The following SND1 variants were observed in gnomAD, a reference collection of about 807,000 sequenced individuals.
SND1 encodes the protein staphylococcal nuclease and tudor domain containing 1.
A neutral mutation model predicts 121.7 loss-of-function variants in SND1; 38 were observed. The ratio of observed to expected loss-of-function variants is 0.31; its 90% CI spans 0.24 to 0.41. The LOEUF (loss-of-function observed/expected upper bound fraction) is 0.41, where lower values mean the gene tolerates loss of function less well. SND1 is among the 10% of genes least tolerant of loss of function. The probability of loss-of-function intolerance (pLI) is 1.00; values close to 1 mark genes in which losing one functional copy is unlikely to be tolerated. For synonymous variants in SND1, 401 were observed against 447.4 expected, an observed-to-expected ratio of 0.90 and a Z score of 1.31; for missense variants, 868 against 1,184.6, an observed-to-expected ratio of 0.73 and a Z score of 3.92.
At chr7:127,726,349 C>G (rs1425234421) in intron 10 of SND1, among the ~76,000 whole-genome samples, 1 of 152,208 alleles carries the variant, frequency 6.6e-6, no homozygotes, top group African/African-American at 2.4e-5. Flanking sequence ...CACCCTGCTT[C>G]TGGATTAATC....
chr7:127,681,057 A>G (rs915160849), intron 1 of SND1, among the ~76,000 whole-genome samples: 2 of 152,112 alleles, frequency 1.3e-5, no homozygotes, highest in African/African-American at 4.8e-5. Context: ...GGGTCATATG[A>G]TAACTGTTTA....
chr7:127,988,737 A>G (rs1204486699), intron 15 of SND1, among the ~76,000 whole-genome samples: 1 of 151,976 alleles, frequency 6.6e-6, no homozygotes, highest in East Asian at 1.9e-4. Context: ...TGAAAATTCA[A>G]CCCCTTAGTT....
chr7:127,983,935 CCT>C lies in SND1; in HGVS notation c.1670-7011_1670-7010del, dbSNP rs529989961. ...TTTATTTCCCCTAATAATTACACCC[CCT>C]GTTTTCAGGCTAGGCATTCTCCCTC... On this transcript the variant is annotated intron_variant, in intron 15 of 23. Coordinates refer to ENST00000354725, the MANE Select transcript of SND1 (RefSeq NM_014390.4). 1.3e-3 allele frequency among the ~76,000 whole-genome samples: 193 copies of C among 152,302 alleles called. 5 individuals are homozygous for C. In the South Asian group the frequency reaches 0.037, roughly 29 times the overall value.
chr7:127,740,511 G>A (rs920220479), intron 10 of SND1, among the ~76,000 whole-genome samples: 1 of 152,182 alleles, frequency 6.6e-6, no homozygotes, highest in Non-Finnish European at 1.5e-5. Flanking sequence ...CCTGCTTTGG[G>A]TCTGACTCTG....
chr7:128,051,425 G>A (rs1458431354), intron 16 of SND1, among the ~76,000 whole-genome samples: 1 of 152,182 alleles, frequency 6.6e-6, no homozygotes. Context: ...ACAAGATGAA[G>A]GTGACCTAGC....
intron 10 of SND1, among the ~76,000 whole-genome samples, chr7:127,795,455 A>G (rs1457533262): frequency 2.6e-5 from 4 of 152,192 alleles, no homozygotes; most frequent in African/African-American, 4.8e-5. Context: ...GTAGTTTACT[A>G]TCATATTTAT....
chr7:127,806,315 G>T (rs185583276), intron 10 of SND1, among the ~76,000 whole-genome samples: 2 of 151,622 alleles, frequency 1.3e-5, no homozygotes, highest in African/African-American at 4.9e-5. Flanking sequence ...ATCATCTCTC[G>T]GGCTCCTGTC....
At chr7:128,072,385 G>T (rs1259288549) in intron 16 of SND1, among the ~76,000 whole-genome samples, 4 of 152,198 alleles carry the variant, frequency 2.6e-5, no homozygotes, top group African/African-American at 4.8e-5. Context: ...AATTGTGGAA[G>T]ACGAGAGGTC....
intron 14 of SND1, among the ~76,000 whole-genome samples, chr7:127,916,174 C>A (rs763762637): frequency 5.3e-5 from 8 of 152,062 alleles, no homozygotes; most frequent in Non-Finnish European, 1.0e-4. Context: ...ATTTGCAGTT[C>A]ACCTGGTGAT....
At position 128,025,163 on chromosome 7, in the gene SND1, G is replaced by A. The variant is rs1406476310; in HGVS notation, c.1779+34107G>A. Among the ~76,000 whole-genome samples the A allele has an allele frequency of 2.6e-5, 4 of 152,244 alleles. No individual in the cohort carries two copies. In the South Asian group the frequency reaches 6.2e-4, roughly 24 times the overall value. ...CCCTGTAGTCAGGCCTTAGAGGGCA[G>A]TATAGCCAGTTCTAAAGAGAGTGAA... On this transcript the variant is annotated intron_variant, in intron 16 of 23. Coordinates refer to ENST00000354725, the MANE Select transcript of SND1 (RefSeq NM_014390.4).
At chr7:127,718,629 G>A in intron 9 of SND1, 1 of 985,304 alleles carries the variant, frequency 1.0e-6, no homozygotes, top group Non-Finnish European at 1.2e-6. Flanking sequence ...TCTGCTGCTG[G>A]GGCCTAAAAT....
chr7:128,090,957 C>G (rs1793769416), intron 22 of SND1, among the ~76,000 whole-genome samples: 2 of 152,178 alleles, frequency 1.3e-5, no homozygotes, highest in Non-Finnish European at 2.9e-5. Context: ...AAAATTCCTT[C>G]TGCCGCAGTC....
At chr7:127,794,707 G>T (rs1046935530) in intron 10 of SND1, among the ~76,000 whole-genome samples, 2 of 152,192 alleles carry the variant, frequency 1.3e-5, no homozygotes, top group South Asian at 2.1e-4. Flanking sequence ...TGCTGGATGG[G>T]TTTCATCTGG....
chr7:127,768,781 A>T (rs1408049220), intron 10 of SND1, among the ~76,000 whole-genome samples: 1 of 152,196 alleles, frequency 6.6e-6, no homozygotes, highest in Non-Finnish European at 1.5e-5. Context: ...TATATAGTGA[A>T]AATTATTCTT....
intron 12 of SND1, 39 bp downstream of exon 12, chr7:127,844,463 A>C: frequency 1.2e-5 from 18 of 1,493,734 alleles, no homozygotes; most frequent in Non-Finnish European, 1.4e-5. Flanking sequence ...CTGTCATCTC[A>C]AGTAGCTAAG....
At position 127,678,797 on chromosome 7, in the gene SND1, A is replaced by G. The variant is rs543233538; in HGVS notation, c.79-7816A>G. ...GATATGCATTTTGAAATATTCCCCA[A>G]TTGAGTTTCTTTTTAGTTACTCTTG... On this transcript the variant is annotated intron_variant, in intron 1 of 23. Coordinates refer to ENST00000354725, the MANE Select transcript of SND1 (RefSeq NM_014390.4). 8.4e-4 allele frequency among the ~76,000 whole-genome samples: 128 copies of G among 152,274 alleles called. 1 individual carries two copies. The highest frequency in any genetic ancestry group is 1.5e-3 in the Non-Finnish European group (102 of 68,024).
intron 10 of SND1, among the ~76,000 whole-genome samples, chr7:127,788,324 G>A (rs1251526687): frequency 6.6e-6 from 1 of 152,164 alleles, no homozygotes; most frequent in Non-Finnish European, 1.5e-5. Flanking sequence ...CCCTGTTGGA[G>A]ACAAATACAT....
intron 10 of SND1, among the ~76,000 whole-genome samples, chr7:127,733,271 G>T (rs1480331750): frequency 6.6e-6 from 1 of 152,160 alleles, no homozygotes; most frequent in South Asian, 2.1e-4. Flanking sequence ...ATAATTGAGG[G>T]ATGGAAAGTC....
intron 17 of SND1, among the ~76,000 whole-genome samples, chr7:128,075,179 C>G (rs1223548595): frequency 1.3e-5 from 2 of 148,936 alleles, no homozygotes; most frequent in African/African-American, 5.0e-5. Flanking sequence ...TCTCTGTGGG[C>G]ACCGCATTGA....
Sources: allele counts gnomAD v4.1 joint callset (sites outside exome capture counted in the v4.1 genomes callset), GRCh38; gene constraint gnomAD v4.1.1; transcripts MANE v1.5; gene names NCBI Gene and HGNC (gene_info 2026-07-23, HGNC 2026-07-21).